The following CDC42SE2 variants were observed in gnomAD, a reference collection of about 807,000 sequenced individuals.
CDC42SE2 encodes CDC42 small effector protein 2.
A neutral mutation model predicts 11.5 loss-of-function variants in CDC42SE2; 3 were observed. That is an observed-to-expected ratio of 0.26 (90% confidence interval 0.12 to 0.67). CDC42SE2 has a LOEUF of 0.67. CDC42SE2 is among the 30% of genes least tolerant of loss of function. CDC42SE2 has a pLI of 0.80. For missense variants in CDC42SE2, 82 were observed against 106.8 expected, an observed-to-expected ratio of 0.77 and a Z score of 1.02; for synonymous variants, 33 against 34.8, an observed-to-expected ratio of 0.95 and a Z score of 0.18.
In CDC42SE2 at chr5:131,393,817, GTTTTTTTTTTT is replaced by G. The variant is rs71000990; in HGVS notation, c.*2742_*2752del. Reference sequence around the variant, plus strand: ...GATTTTAGTCTTTTTCCAAATCGCTGTTTTTTTTTTTTTTTTTTTTTTTTTTGCTGCTCCAA... The same window carrying G: ...GATTTTAGTCTTTTTCCAAATCGCTGTTTTTTTTTTTTTTTGCTGCTCCAA... On this transcript the variant is annotated 3_prime_UTR_variant, in exon 5 of 5. Coordinates refer to ENST00000505065, the MANE Select transcript of CDC42SE2 (RefSeq NM_001375635.1). 1.0e-4 allele frequency: 12 copies of G among 118,720 alleles called. No homozygotes were observed. Among genetic ancestry groups the G allele is most frequent in the South Asian group, 5.3e-4 (2 of 3,762 alleles). 7.4% of individuals were successfully genotyped at this position (118,720 alleles called of 1,614,324 possible). A position where few individuals can be genotyped will look rare whatever the true frequency, so the allele number is the denominator to read the frequency against.
intron 1 of CDC42SE2, among the ~76,000 whole-genome samples, chr5:131,312,662 C>G (rs371281486): frequency 6.6e-6 from 1 of 152,160 alleles, no homozygotes; most frequent in Non-Finnish European, 1.5e-5. Flanking sequence ...TTTTAAGCCC[C>G]TCGGAAAAGC....
At chr5:131,261,975 T>G (rs1756730420), upstream of CDC42SE2, among the ~76,000 whole-genome samples, 1 of 151,354 alleles carries the variant, frequency 6.6e-6, no homozygotes. Flanking sequence ...TGAAATTAGA[T>G]CATGGTATTC....
At chr5:131,306,972 C>CT (rs1168092130) in intron 1 of CDC42SE2, among the ~76,000 whole-genome samples, 2 of 151,918 alleles carry the variant, frequency 1.3e-5, no homozygotes, top group Non-Finnish European at 2.9e-5. Context: ...TTTATCAGTT[C>CT]TAACAGTTTT....
intron 3 of CDC42SE2, among the ~76,000 whole-genome samples, chr5:131,376,606 G>A (rs1049795499): frequency 3.3e-5 from 5 of 152,120 alleles, no homozygotes; most frequent in Non-Finnish European, 5.9e-5. Context: ...CCAGGTAATA[G>A]GCATAGTAAC....
At chr5:131,234,456 T>C in the CDC42SE2 span, among the ~76,000 whole-genome samples, 1 of 151,958 alleles carries the variant, frequency 6.6e-6, no homozygotes, top group Admixed American at 6.6e-5. Flanking sequence ...GCCAAGATGG[T>C]GAAACCCTGT....
At chr5:131,232,517 A>C in the CDC42SE2 span, among the ~76,000 whole-genome samples, 2 of 151,900 alleles carry the variant, frequency 1.3e-5, no homozygotes, top group Non-Finnish European at 2.9e-5. Context: ...TGGATTACCT[A>C]AGATCAGGGA....
intron 1 of CDC42SE2, among the ~76,000 whole-genome samples, chr5:131,278,725 C>CTCT (rs1757161501): frequency 2.3e-4 from 2 of 8,744 alleles, no homozygotes; most frequent in Admixed American, 9.3e-4. Context: ...CCCTCCCCTC[C>CTCT]CCCCTCCCCT....
intron 2 of CDC42SE2, among the ~76,000 whole-genome samples, chr5:131,345,650 G>A (rs1758822164): frequency 4.6e-5 from 7 of 152,052 alleles, no homozygotes; most frequent in Admixed American, 3.9e-4. Context: ...TACAGAGAAT[G>A]CCACAAAGAT....
chr5:131,272,787 C>G (rs1757020797), intron 1 of CDC42SE2, among the ~76,000 whole-genome samples: 1 of 152,214 alleles, frequency 6.6e-6, no homozygotes, highest in Non-Finnish European at 1.5e-5. Flanking sequence ...TTGTTTGGAT[C>G]CACTACAATC....
intron 4 of CDC42SE2, among the ~76,000 whole-genome samples, chr5:131,389,423 T>G (rs2149791156): frequency 6.6e-6 from 1 of 152,330 alleles, no homozygotes; most frequent in African/African-American, 2.4e-5. Flanking sequence ...TAGCAATACC[T>G]TATAATGTGA....
At chr5:131,226,866 T>C in the CDC42SE2 span, among the ~76,000 whole-genome samples, 1 of 152,210 alleles carries the variant, frequency 6.6e-6, no homozygotes, top group East Asian at 1.9e-4. Flanking sequence ...AAATGAAAGC[T>C]ACCACAACTG....
intron 1 of CDC42SE2, among the ~76,000 whole-genome samples, chr5:131,272,462 C>T (rs949696462): frequency 6.6e-6 from 1 of 152,060 alleles, no homozygotes; most frequent in Non-Finnish European, 1.5e-5. Flanking sequence ...AAAATGAAAG[C>T]GATCAGAATA....
At chr5:131,332,168 C>T (rs1331634031) in intron 2 of CDC42SE2, among the ~76,000 whole-genome samples, 3 of 152,106 alleles carry the variant, frequency 2.0e-5, no homozygotes, top group Admixed American at 6.5e-5. Flanking sequence ...CTTCCTGTGT[C>T]CATGTGTTCT....
chr5:131,232,769 T>C, the CDC42SE2 span, among the ~76,000 whole-genome samples: 1 of 149,544 alleles, frequency 6.7e-6, no homozygotes, highest in Non-Finnish European at 1.5e-5. Context: ...AACAGAAATA[T>C]TATCCCGTCT....
chr5:131,377,741 C>T (rs1750198404), intron 3 of CDC42SE2, among the ~76,000 whole-genome samples: 1 of 152,190 alleles, frequency 6.6e-6, no homozygotes, highest in South Asian at 2.1e-4. Flanking sequence ...CCAGTTAAAA[C>T]CTCTCTAGAG....
intron 1 of CDC42SE2, among the ~76,000 whole-genome samples, chr5:131,290,653 T>C (rs985185737): frequency 1.3e-5 from 2 of 151,770 alleles, no homozygotes; most frequent in African/African-American, 2.4e-5. Context: ...TTAATTTTTG[T>C]ATTTTTAGTA....
chr5:131,292,005 A>G (rs780256938), intron 1 of CDC42SE2, among the ~76,000 whole-genome samples: 3 of 152,062 alleles, frequency 2.0e-5, no homozygotes, highest in Non-Finnish European at 4.4e-5. Flanking sequence ...GCACATTGGG[A>G]GGCAGAGGTG....
chr5:131,227,006 G>C, the CDC42SE2 span, among the ~76,000 whole-genome samples: 1 of 152,176 alleles, frequency 6.6e-6, no homozygotes, highest in African/African-American at 2.4e-5. Flanking sequence ...CATATAGTTA[G>C]GCATAAATAT....
At chr5:131,384,816 T>C (rs1242133033) in intron 3 of CDC42SE2, among the ~76,000 whole-genome samples, 1 of 148,648 alleles carries the variant, frequency 6.7e-6, no homozygotes, top group Admixed American at 6.9e-5. Context: ...GGCGTAGTGG[T>C]GCGTGCCTGT....
Sources: allele counts gnomAD v4.1 joint callset (sites outside exome capture counted in the v4.1 genomes callset), GRCh38; gene constraint gnomAD v4.1.1; transcripts MANE v1.5; gene names NCBI Gene and HGNC (gene_info 2026-07-23, HGNC 2026-07-21).